Variants in ANO2 observed in about 807,000 individuals in gnomAD.
ANO2 encodes anoctamin 2.
ANO2 carries 101 observed loss-of-function variants against 124.2 expected under a neutral mutation model. The observed-to-expected ratio is 0.81, with a 90% CI of 0.69 to 0.96. ANO2 has a LOEUF of 0.96. Ranked by LOEUF, ANO2 falls within the 40% of genes least tolerant of loss-of-function variation. ANO2 has a pLI of 0.00. For synonymous variants in ANO2, 486 were observed against 482.5 expected, an observed-to-expected ratio of 1.01 and a Z score of -0.09; for missense variants, 1,293 against 1,274.5, an observed-to-expected ratio of 1.01 and a Z score of -0.22.
chr12:5,879,458 C>T (rs1042745356), intron 3 of ANO2, among the ~76,000 whole-genome samples: 2 of 152,168 alleles, frequency 1.3e-5, no homozygotes, highest in Admixed American at 6.5e-5. Flanking sequence ...CTCTCTCTCT[C>T]GATACAAGAC....
chr12:5,922,806 T>C lies in ANO2; in HGVS notation c.23-2A>G, dbSNP rs748790268. 2 of 1,488,656 alleles carry C rather than the reference T, an allele frequency of 1.3e-6. No homozygotes were observed. The highest frequency in any genetic ancestry group is 1.4e-5 in the South Asian group (1 of 73,110). The allele number at this position is 1,488,656 out of a possible 1,614,324, so 92.2% of individuals were successfully genotyped here. On this transcript the variant is annotated splice_acceptor_variant, in intron 1 of 24. Coordinates refer to ENST00000682330, the MANE Select transcript of ANO2 (RefSeq NM_001364791.2). LOFTEE classifies it high-confidence loss of function. ...GGGAGCCAGGGAGCAGGGGTATATC[T>C]GTGAGAGGGAAAGACAAGGGAGGCA...
At chr12:5,941,870 G>A (rs1472832288) in intron 1 of ANO2, among the ~76,000 whole-genome samples, 1 of 152,126 alleles carries the variant, frequency 6.6e-6, no homozygotes, top group Non-Finnish European at 1.5e-5. Flanking sequence ...GGCTGGGGCT[G>A]GGGGTGGAAA....
rs191107826 is a variant in ANO2 at position 5,579,863 on chromosome 12, G to A, written c.2234-1345C>T. 3.0e-3 allele frequency among the ~76,000 whole-genome samples: 459 copies of A among 152,268 alleles called. 2 individuals are homozygous for A. Among genetic ancestry groups the A allele is most frequent in the African/African-American group, 0.01 (433 of 41,546 alleles). ...TGTGCATAAGCATACACTCTGGCTG[G>A]CAAGCTTCTATGCATCCCTGGGATC... On this transcript the variant is annotated intron_variant, in intron 20 of 24. Coordinates refer to ENST00000682330, the MANE Select transcript of ANO2 (RefSeq NM_001364791.2).
At chr12:5,779,278 T>C (rs904229753) in intron 10 of ANO2, among the ~76,000 whole-genome samples, 2 of 152,242 alleles carry the variant, frequency 1.3e-5, no homozygotes, top group Admixed American at 1.3e-4. Context: ...TTCTACACTT[T>C]TAAATCACTT....
rs554978844 is a variant in ANO2 at position 5,904,323 on chromosome 12, G to A, written c.534+16717C>T. On this transcript the variant is annotated intron_variant, in intron 3 of 24. Transcript: ENST00000682330. This position sits in a 1 kb window ranked among gnomAD's most constrained non-coding sequence, Gnocchi z 4.1. The stretch of plus-strand genomic sequence containing the variant: ...GCCCAATACACCACCATTCACCTAA[G>A]GCTTTGATCCCTGAGAAAAATGCAG... Among the ~76,000 whole-genome samples the A allele has an allele frequency of 4.5e-4, 68 of 152,256 alleles. 1 individual carries two copies. The South Asian group carries it at 0.013, about 29-fold the overall frequency.
At chr12:5,691,642 A>T (rs1193754745) in intron 14 of ANO2, among the ~76,000 whole-genome samples, 1 of 151,986 alleles carries the variant, frequency 6.6e-6, no homozygotes, top group Non-Finnish European at 1.5e-5. Flanking sequence ...AGTGGCTCAC[A>T]CCTATAATTC....
At chr12:5,706,541 T>G (rs543006615) in intron 14 of ANO2, among the ~76,000 whole-genome samples, 1 of 152,306 alleles carries the variant, frequency 6.6e-6, no homozygotes, top group Non-Finnish European at 1.5e-5. Context: ...CCTGTCCACC[T>G]TACTAAAAAG....
chr12:5,932,235 G>A (rs1019358344), intron 1 of ANO2, among the ~76,000 whole-genome samples: 31 of 149,248 alleles, frequency 2.1e-4, no homozygotes, highest in African/African-American at 6.2e-4. Context: ...GAAGGTAGAC[G>A]AGTGAGGAAA....
chr12:5,681,980 G>T (rs1948512628), intron 14 of ANO2, among the ~76,000 whole-genome samples: 1 of 152,148 alleles, frequency 6.6e-6, no homozygotes, highest in South Asian at 2.1e-4. Context: ...GGAAAAAAGA[G>T]GTCCATTTCT....
At chr12:5,640,403 A>G (rs1040239783) in intron 15 of ANO2, among the ~76,000 whole-genome samples, 1 of 152,186 alleles carries the variant, frequency 6.6e-6, no homozygotes, top group South Asian at 2.1e-4. Context: ...GGGTAATGCT[A>G]AGTCCTTTTT....
chr12:5,774,654 T>C (rs1952175756), intron 10 of ANO2, among the ~76,000 whole-genome samples: 1 of 152,196 alleles, frequency 6.6e-6, no homozygotes, highest in African/African-American at 2.4e-5. Context: ...GAAGGACACC[T>C]GATGCCTTGT....
chr12:5,879,535 A>G (rs1565744228), intron 3 of ANO2, among the ~76,000 whole-genome samples: 1 of 152,204 alleles, frequency 6.6e-6, no homozygotes, highest in Non-Finnish European at 1.5e-5. Context: ...CTCAATATCT[A>G]GGAGGGAAAC....
rs1046314719 is a variant in ANO2, at chr12:5,830,557, C to G, written c.786-68G>C. The G allele has an allele frequency of 4.9e-6, 7 of 1,422,048 alleles. No individual in the cohort carries two copies. The African/African-American group carries it at 7.1e-5, about 14-fold the overall frequency. The allele number at this position is 1,422,048 out of a possible 1,614,324, so 88.1% of individuals were successfully genotyped here. A position where few individuals can be genotyped will look rare whatever the true frequency, so the allele number is the denominator to read the frequency against. On this transcript the variant is annotated intron_variant, in intron 5 of 24. Coordinates refer to ENST00000682330, the MANE Select transcript of ANO2 (RefSeq NM_001364791.2). ...CCTTGCCCTGAGACCACTGCCACCC[C>G]AGACCCACAACAAATCTTTAGAAAG...
chr12:5,822,242 C>T (rs1412778367), intron 7 of ANO2, among the ~76,000 whole-genome samples: 1 of 152,130 alleles, frequency 6.6e-6, no homozygotes, highest in Non-Finnish European at 1.5e-5. Context: ...TGGTCAGGGA[C>T]TTGGAAGAAG....
At chr12:5,823,109 C>G (rs568439217) in intron 7 of ANO2, among the ~76,000 whole-genome samples, 69 of 152,302 alleles carry the variant, frequency 4.5e-4, no homozygotes, top group African/African-American at 1.6e-3. Context: ...GGGACACAGC[C>G]AAACCATATC....
chr12:5,590,909 G>A (rs758447294), intron 20 of ANO2, among the ~76,000 whole-genome samples: 7 of 152,164 alleles, frequency 4.6e-5, no homozygotes, highest in South Asian at 2.1e-4. Context: ...ACTAGCGGCC[G>A]AGCGTGGTGG....
At chr12:5,818,405 G>A (rs1219204891) in intron 7 of ANO2, among the ~76,000 whole-genome samples, 2 of 143,648 alleles carry the variant, frequency 1.4e-5, no homozygotes, top group Non-Finnish European at 3.0e-5. Context: ...CTCAGCTCAT[G>A]GGAGCTTGTG....
intron 3 of ANO2, among the ~76,000 whole-genome samples, chr12:5,889,764 CCTGA>C (rs1196532220): frequency 6.6e-6 from 1 of 152,230 alleles, no homozygotes; most frequent in Non-Finnish European, 1.5e-5. Context: ...TAGGTCAGTG[CCTGA>C]CTGAGAAGTC....
chr12:5,727,951 C>T (rs557551507), intron 14 of ANO2, among the ~76,000 whole-genome samples: 36 of 151,920 alleles, frequency 2.4e-4, no homozygotes, highest in African/African-American at 7.2e-4. Flanking sequence ...GGACTACAGG[C>T]GCCCGCCACC....
Sources: gnomAD v4.1 joint callset for allele counts (sites outside exome capture counted in the v4.1 genomes callset) on GRCh38, gnomAD v4.1.1 for gene constraint, Gnocchi (gnomAD v3.1) non-coding constraint, MANE v1.5 for transcripts, NCBI Gene and HGNC (gene_info 2026-07-23, HGNC 2026-07-21) for gene names.